The following SLC2A9 variants were observed in gnomAD, a reference collection of about 807,000 sequenced individuals.
SLC2A9 encodes the protein solute carrier family 2 member 9, also known as solute carrier family 2, facilitated glucose transporter member 9.
Under a neutral mutation model 50.6 loss-of-function variants are expected in SLC2A9, and 39 were observed. The observed-to-expected ratio is 0.77, with a 90% CI of 0.60 to 1.01. SLC2A9 has a LOEUF of 1.01. Ranked by LOEUF, SLC2A9 falls within the 50% of genes least tolerant of loss-of-function variation. The pLI, the probability that SLC2A9 is intolerant of heterozygous loss-of-function variation, is 0.00. For synonymous variants in SLC2A9, 324 were observed against 276.9 expected (o/e 1.17, Z -1.69); for missense variants, 686 against 677.6 (o/e 1.01, Z -0.14).
At chr4:9,930,719 A>AG (rs1347394099) in intron 6 of SLC2A9, among the ~76,000 whole-genome samples, 1 of 152,220 alleles carries the variant, frequency 6.6e-6, no homozygotes, top group African/African-American at 2.4e-5. Flanking sequence ...CTTGGCTCTG[A>AG]GGTCAGAACA....
At chr4:9,826,689 C>A in intron 11 of SLC2A9, 89 bp from the exon 12 acceptor site, 1 of 1,205,994 alleles carries the variant, frequency 8.3e-7, no homozygotes, top group Non-Finnish European at 1.2e-6. Context: ...AAGATAGCTC[C>A]ACATTCATAT....
At chr4:9,902,524 T>G (rs1739832387) in intron 8 of SLC2A9, among the ~76,000 whole-genome samples, 2 of 152,212 alleles carry the variant, frequency 1.3e-5, no homozygotes, top group African/African-American at 2.4e-5. Context: ...CAGAGCGGCT[T>G]CAGCAATAGA....
intron 5 of SLC2A9, among the ~76,000 whole-genome samples, chr4:9,967,713 T>C (rs1753250719): frequency 6.6e-6 from 1 of 151,936 alleles, no homozygotes; most frequent in African/African-American, 2.4e-5. Flanking sequence ...GATATATTTC[T>C]GGTAAGAAAG....
chr4:9,911,003 TG>T lies in SLC2A9; in HGVS notation c.1003-2659del, dbSNP rs996693910. On this transcript the variant is annotated intron_variant, in intron 7 of 11. Coordinates refer to ENST00000264784, the MANE Select transcript of SLC2A9 (RefSeq NM_020041.3). ...TCATACACCAGGGCCTGTTGGGGTG[TG>T]GGGGGGCTAGAGGAGGGATGGCATT... 4.5e-4 allele frequency among the ~76,000 whole-genome samples: 30 copies of T among 66,250 alleles called. 1 individual carries two copies. The highest frequency in any genetic ancestry group is 0.012 in the Middle Eastern group (1 of 86). The allele number at this position is 66,250 out of a possible 152,430, so 43.5% of individuals were successfully genotyped here.
intron 10 of SLC2A9, among the ~76,000 whole-genome samples, chr4:9,860,785 AC>A (rs1170241584): frequency 1.3e-5 from 2 of 152,122 alleles, no homozygotes; most frequent in African/African-American, 4.8e-5. Flanking sequence ...AGATATCACA[AC>A]CCCGGGAAGT....
At chr4:9,775,917 C>T (rs142262039), downstream of SLC2A9, among the ~76,000 whole-genome samples, 615 of 152,288 alleles carry the variant, frequency 4.0e-3, 7 homozygotes, top group African/African-American at 0.014. Flanking sequence ...CTAGAACACA[C>T]GTGGCTTCCA....
chr4:9,916,990 C>T (rs903146797), intron 7 of SLC2A9, among the ~76,000 whole-genome samples: 3 of 152,178 alleles, frequency 2.0e-5, no homozygotes, highest in Admixed American at 2.0e-4. Flanking sequence ...ACTAATAGCT[C>T]TCTCCAGGTG....
chr4:9,875,335 C>T (rs1206500230), intron 10 of SLC2A9, among the ~76,000 whole-genome samples: 3 of 147,326 alleles, frequency 2.0e-5, no homozygotes, highest in African/African-American at 7.5e-5. Context: ...AGGTTACTCT[C>T]TGTCTAAGAT....
chr4:9,781,682 G>A, intron 3 of SLC2A9: 1 of 225,636 alleles, frequency 4.4e-6, no homozygotes, highest in Non-Finnish European at 8.6e-6. Context: ...CTCAGTGGCG[G>A]CTTGCTCTCT....
intron 2 of SLC2A9, among the ~76,000 whole-genome samples, chr4:10,004,439 C>T (rs1004244394): frequency 2.0e-5 from 3 of 152,198 alleles, no homozygotes; most frequent in Non-Finnish European, 2.9e-5. Flanking sequence ...GTGTGACCTC[C>T]ACCAAGACGC....
At chr4:9,783,693 C>A in intron 3 of SLC2A9, 1 of 536,284 alleles carries the variant, frequency 1.9e-6, no homozygotes, top group Non-Finnish European at 3.4e-6. Flanking sequence ...GATGGACCAA[C>A]GATCCTATGA....
rs189090019 is a variant in SLC2A9 at position 9,835,946 on chromosome 4, G to C, written c.1292-938C>G. ...TACTAAAAATACAAAAATTAGCTGGGCGTGGTGGTGCATGCTTGTTATCCC... is the reference window on the plus strand; with the variant it reads ...TACTAAAAATACAAAAATTAGCTGGCCGTGGTGGTGCATGCTTGTTATCCC... On this transcript the variant is annotated intron_variant, in intron 10 of 11. Transcript: ENST00000264784. 6.4e-3 allele frequency among the ~76,000 whole-genome samples: 980 copies of C among 152,010 alleles called. 7 individuals carry two copies. The highest frequency in any genetic ancestry group is 9.9e-3 in the Non-Finnish European group (673 of 67,998).
intron 6 of SLC2A9, among the ~76,000 whole-genome samples, chr4:9,927,613 G>A (rs1745140172): frequency 6.6e-6 from 1 of 152,176 alleles, no homozygotes; most frequent in Admixed American, 6.5e-5. Flanking sequence ...ATTTTTCAAT[G>A]ACTAATGGAA....
chr4:9,890,550 T>C, intron 9 of SLC2A9, 60 bp downstream of exon 9: 2 of 1,525,946 alleles, frequency 1.3e-6, no homozygotes, highest in Non-Finnish European at 1.8e-6. Flanking sequence ...CCCAAAACGA[T>C]GAAGCCAGAA....
intron 9 of SLC2A9, among the ~76,000 whole-genome samples, chr4:9,887,999 C>T (rs1736606763): frequency 6.6e-6 from 1 of 151,250 alleles, no homozygotes; most frequent in Admixed American, 6.6e-5. Flanking sequence ...TCATCATTCT[C>T]AGCAAACTGA....
At chr4:9,798,269 A>T (rs1720838261), downstream of SLC2A9, among the ~76,000 whole-genome samples, 1 of 152,194 alleles carries the variant, frequency 6.6e-6, no homozygotes, top group Non-Finnish European at 1.5e-5. Context: ...CTTGTGTTTC[A>T]TCAACTGGCT....
At chr4:9,852,070 C>A (rs2109320871) in intron 10 of SLC2A9, among the ~76,000 whole-genome samples, 1 of 152,244 alleles carries the variant, frequency 6.6e-6, no homozygotes, top group Admixed American at 6.5e-5. Flanking sequence ...ATAAGATGAA[C>A]ATCCCCAAGA....
At chr4:10,026,103 G>T, upstream of SLC2A9, 1 of 821,184 alleles carries the variant, frequency 1.2e-6, no homozygotes, top group Non-Finnish European at 2.0e-6. Context: ...AAGGTTTGCT[G>T]TGAGGAGCTC....
At chr4:9,929,376 G>A (rs1401137571) in intron 6 of SLC2A9, among the ~76,000 whole-genome samples, 1 of 152,226 alleles carries the variant, frequency 6.6e-6, no homozygotes, top group Non-Finnish European at 1.5e-5. Context: ...CAGTTCTGCG[G>A]GGCTTCTGAG....
Sources: allele counts gnomAD v4.1 joint callset (sites outside exome capture counted in the v4.1 genomes callset), GRCh38; gene constraint gnomAD v4.1.1; transcripts MANE v1.5; gene names NCBI Gene and HGNC (gene_info 2026-07-23, HGNC 2026-07-21).